MAF: variants seen among roughly 807,000 people sequenced by gnomAD.
MAF encodes the protein MAF bZIP transcription factor.
In MAF, 10 loss-of-function variants were observed where a neutral mutation model predicts 22.0. The observed-to-expected ratio is 0.45, with a 90% CI of 0.28 to 0.77. The LOEUF (loss-of-function observed/expected upper bound fraction) is 0.77. Ranked by LOEUF, MAF falls within the 30% of genes least tolerant of loss-of-function variation. The pLI is 0.12. For missense variants in MAF, 544 were observed against 548.4 expected (o/e 0.99, Z 0.08); for synonymous variants, 337 against 255.8 (o/e 1.32, Z -3.03).
the MAF span, chr16:79,206,081 C>T: frequency 1.3e-5 from 2 of 152,128 alleles, no homozygotes; most frequent in African/African-American, 4.8e-5. Context: ...CATTTTTGTT[C>T]ATCCAAATGG....
At chr16:79,576,836 A>G in the MAF span, among the ~76,000 whole-genome samples, 1 of 152,196 alleles carries the variant, frequency 6.6e-6, no homozygotes, top group African/African-American at 2.4e-5. Flanking sequence ...AGTCCTCTAC[A>G]CATGCCTTTG....
the MAF span, among the ~76,000 whole-genome samples, chr16:79,207,364 G>C: frequency 2.6e-5 from 4 of 152,338 alleles, no homozygotes; most frequent in Admixed American, 2.6e-4. Context: ...GCTCACTTCA[G>C]ATCACCACTT....
the MAF span, among the ~76,000 whole-genome samples, chr16:79,501,209 T>C: frequency 6.6e-6 from 1 of 152,200 alleles, no homozygotes. Flanking sequence ...TTGGGTTCTG[T>C]CTACAACACT....
the MAF span, among the ~76,000 whole-genome samples, chr16:79,506,766 C>T: frequency 6.6e-6 from 1 of 152,082 alleles, no homozygotes; most frequent in Non-Finnish European, 1.5e-5. Flanking sequence ...GCAAGAGAAC[C>T]AATGATGCTG....
the MAF span, among the ~76,000 whole-genome samples, chr16:79,497,210 G>A: frequency 2.0e-5 from 3 of 152,070 alleles, no homozygotes; most frequent in Admixed American, 2.0e-4. Context: ...ACCTCTCCTT[G>A]CCTCCGAATC....
chr16:79,448,433 T>C, the MAF span, among the ~76,000 whole-genome samples: 1 of 151,900 alleles, frequency 6.6e-6, no homozygotes, highest in Non-Finnish European at 1.5e-5. Context: ...TTTGTTTTTG[T>C]TTTTGTTTTT....
chr16:79,461,398 C>A, the MAF span, among the ~76,000 whole-genome samples: 4 of 152,156 alleles, frequency 2.6e-5, no homozygotes, highest in Non-Finnish European at 5.9e-5. Flanking sequence ...ACTTGGGAAC[C>A]CAGTCTCCTT....
chr16:79,544,602 G>A, the MAF span, among the ~76,000 whole-genome samples: 31 of 151,760 alleles, frequency 2.0e-4, no homozygotes, highest in Admixed American at 6.6e-5. Flanking sequence ...GTGAAACCCC[G>A]TCTCTACTAA....
chr16:79,348,079 C>T, the MAF span, among the ~76,000 whole-genome samples: 1 of 152,156 alleles, frequency 6.6e-6, no homozygotes, highest in South Asian at 2.1e-4. Context: ...TGACCTTTTC[C>T]TGCTAATTGG....
chr16:79,401,996 C>G, the MAF span, among the ~76,000 whole-genome samples: 1 of 152,110 alleles, frequency 6.6e-6, no homozygotes, highest in Non-Finnish European at 1.5e-5. Flanking sequence ...GACCCTGAGG[C>G]CAAAGAGGTT....
At chr16:79,369,474 G>GGA in the MAF span, among the ~76,000 whole-genome samples, 1 of 152,230 alleles carries the variant, frequency 6.6e-6, no homozygotes, top group African/African-American at 2.4e-5. Context: ...TTTGAGGACA[G>GGA]GAGGATCCTC....
chr16:79,536,381 G>A, the MAF span, among the ~76,000 whole-genome samples: 111 of 152,332 alleles, frequency 7.3e-4, 1 homozygote, highest in African/African-American at 2.6e-3. Flanking sequence ...GGTGGCTCAT[G>A]CCTGTAATCC....
the MAF span, among the ~76,000 whole-genome samples, chr16:79,563,825 C>A: frequency 6.6e-6 from 1 of 152,154 alleles, no homozygotes; most frequent in Non-Finnish European, 1.5e-5. Flanking sequence ...ATTCCTTACA[C>A]TCACCTAGCA....
chr16:79,381,234 A>G, the MAF span, among the ~76,000 whole-genome samples: 1 of 152,240 alleles, frequency 6.6e-6, no homozygotes, highest in Non-Finnish European at 1.5e-5. Context: ...TCTTCTTACC[A>G]AACCGATATT....
chr16:79,214,422 A>G, the MAF span, among the ~76,000 whole-genome samples: 3 of 152,122 alleles, frequency 2.0e-5, no homozygotes, highest in Non-Finnish European at 2.9e-5. Flanking sequence ...ACACTGTGCT[A>G]AGCAGGCTAC....
chr16:79,220,502 A>G, the MAF span, among the ~76,000 whole-genome samples: 1 of 152,162 alleles, frequency 6.6e-6, no homozygotes, highest in South Asian at 2.1e-4. Flanking sequence ...ATTTTAAAAT[A>G]ATTTAATGCC....
At chr16:79,560,715 G>A in the MAF span, among the ~76,000 whole-genome samples, 2 of 152,032 alleles carry the variant, frequency 1.3e-5, no homozygotes, top group Non-Finnish European at 2.9e-5. Context: ...AATGAGCCTA[G>A]AAGTCACTGG....
At chr16:79,279,241 T>A in the MAF span, among the ~76,000 whole-genome samples, 7 of 152,020 alleles carry the variant, frequency 4.6e-5, no homozygotes, top group Non-Finnish European at 1.0e-4. Flanking sequence ...GCATGTGGGG[T>A]CCTAGTCAGC....
At chr16:79,442,023 C>T in the MAF span, among the ~76,000 whole-genome samples, 1 of 152,148 alleles carries the variant, frequency 6.6e-6, no homozygotes, top group Non-Finnish European at 1.5e-5. Context: ...CCAAAGAACG[C>T]CAGCAGGACC....
Sources: gnomAD v4.1 joint callset for allele counts (sites outside exome capture counted in the v4.1 genomes callset) on GRCh38, gnomAD v4.1.1 for gene constraint, MANE v1.5 for transcripts, NCBI Gene and HGNC (gene_info 2026-07-23, HGNC 2026-07-21) for gene names.